The following SOCS4 variants were observed in gnomAD, a reference collection of about 807,000 sequenced individuals.
SOCS4 encodes the protein suppressor of cytokine signaling 4.
SOCS4 carries 20 observed loss-of-function variants against 34.1 expected under a neutral mutation model. That is an observed-to-expected ratio of 0.59 (90% CI 0.41 to 0.85). The LOEUF is 0.85. Ranked by LOEUF, SOCS4 falls within the 40% of genes least tolerant of loss-of-function variation. SOCS4 has a pLI of 0.00. For synonymous variants in SOCS4, 180 were observed against 186.4 expected (o/e 0.97, Z 0.28); for missense variants, 479 against 532.4 (o/e 0.90, Z 0.99).
In SOCS4 at chr14:55,048,140, C is replaced by G. The variant is rs375624049; in HGVS notation, c.*3776C>G. On this transcript the variant is annotated 3_prime_UTR_variant, in exon 3 of 3. Coordinates refer to ENST00000555846, the MANE Select transcript of SOCS4 (RefSeq NM_199421.2). ...TTCACTACATTGGCCAGGCTGGTCTCGAACTCCTGACCTCAGGTGACCACC... is the reference window on the plus strand; with the variant it reads ...TTCACTACATTGGCCAGGCTGGTCTGGAACTCCTGACCTCAGGTGACCACC... 6.0e-6 allele frequency: 1 copy of G among 166,082 alleles called. No homozygotes were observed. The highest frequency in any genetic ancestry group is 1.5e-5 in the Non-Finnish European group (1 of 68,142). 10.3% of individuals were successfully genotyped at this position (166,082 alleles called of 1,614,324 possible).
At chr14:55,029,426 G>C (rs1241749503) in intron 1 of SOCS4, among the ~76,000 whole-genome samples, 1 of 152,102 alleles carries the variant, frequency 6.6e-6, no homozygotes, top group Non-Finnish European at 1.5e-5. Flanking sequence ...TTGCAGTGAT[G>C]GTTAGTTAGC....
At chr14:55,034,388 A>G (rs990453327) in intron 2 of SOCS4, among the ~76,000 whole-genome samples, 49 of 152,328 alleles carry the variant, frequency 3.2e-4, no homozygotes, top group African/African-American at 1.2e-3. Context: ...ATCTGATGAC[A>G]TTCTGGATCA....
In SOCS4 at chr14:55,031,399, A is replaced by G. The variant is rs1457848988; in HGVS notation, c.-219-464A>G. On this transcript the variant is annotated intron_variant, in intron 1 of 2. Coordinates refer to ENST00000555846, the MANE Select transcript of SOCS4 (RefSeq NM_199421.2). ...CAAAAGGATTTATGGCAAAGTAAAGACAGGAAGCTATGGTTTATGCAGATT... is the reference window on the plus strand; with the variant it reads ...CAAAAGGATTTATGGCAAAGTAAAGGCAGGAAGCTATGGTTTATGCAGATT... 2.0e-5 allele frequency among the ~76,000 whole-genome samples: 3 copies of G among 152,228 alleles called. No individual in the cohort carries two copies. The East Asian group carries it at 5.8e-4, about 29-fold the overall frequency.
At position 55,047,950 on chromosome 14, in the gene SOCS4, C is replaced by T. The variant is rs1036530277; in HGVS notation, c.*3586C>T. 6.0e-6 allele frequency: 1 copy of T among 166,948 alleles called. No individual in the cohort carries two copies. The highest frequency in any genetic ancestry group is 1.5e-5 in the Non-Finnish European group (1 of 68,106). The allele number at this position is 166,948 out of a possible 1,614,324, so 10.3% of individuals were successfully genotyped here. A position where few individuals can be genotyped will look rare whatever the true frequency, so the allele number is the denominator to read the frequency against. ...TCTCTTTTTTTTTGAGACAGAGTCT[C>T]GCTGTTGTCAGCCCAGGCTGGAGTG... On this transcript the variant is annotated 3_prime_UTR_variant, in exon 3 of 3. Coordinates refer to ENST00000555846, the MANE Select transcript of SOCS4 (RefSeq NM_199421.2).
Position 55,044,916 on chromosome 14 carries a change from A to G in SOCS4, c.*552A>G, listed in dbSNP as rs1450167892. 6.0e-6 allele frequency: 1 copy of G among 167,040 alleles called. No individual in the cohort carries two copies. Among genetic ancestry groups the G allele is most frequent in the African/African-American group, 2.4e-5 (1 of 41,440 alleles). The allele number at this position is 167,040 out of a possible 1,614,324, so 10.3% of individuals were successfully genotyped here. On this transcript the variant is annotated 3_prime_UTR_variant, in exon 3 of 3. Coordinates refer to ENST00000555846, the MANE Select transcript of SOCS4 (RefSeq NM_199421.2). ...TGTTATTGACTTTTGTAACTTACTA[A>G]TAGGGATGTTAAAAGTAACAAAACC...
At chr14:55,030,577 ACTT>A (rs1418660961) in intron 1 of SOCS4, among the ~76,000 whole-genome samples, 5 of 152,138 alleles carry the variant, frequency 3.3e-5, no homozygotes, top group African/African-American at 9.7e-5. Flanking sequence ...TTAGAAATGT[ACTT>A]CTTCTAACAT....
intron 2 of SOCS4, among the ~76,000 whole-genome samples, chr14:55,042,448 T>C (rs1408134337): frequency 6.6e-6 from 1 of 152,220 alleles, no homozygotes; most frequent in Non-Finnish European, 1.5e-5. Context: ...CTTACAGCTT[T>C]ACAACTTAAA....
At position 55,047,261 on chromosome 14, in the gene SOCS4, C is replaced by T. The variant is rs991532198; in HGVS notation, c.*2897C>T. 1.8e-5 allele frequency: 3 copies of T among 167,056 alleles called. No homozygotes were observed. The highest frequency in any genetic ancestry group is 2.4e-5 in the African/African-American group (1 of 41,432). 10.3% of individuals were successfully genotyped at this position (167,056 alleles called of 1,614,324 possible). ...CTAGTCTGGACCAGACACTTAACTG[C>T]GCTTTGGGAATCATCCTGGGCTAAT... On this transcript the variant is annotated 3_prime_UTR_variant, in exon 3 of 3. Transcript: ENST00000555846.
Position 55,043,057 on chromosome 14 carries a change from G to A in SOCS4, c.16G>A (p.Glu6Lys). Residue 6 changes from glutamate (E) to lysine (K), a missense_variant, in exon 3 of 3, where the codon GAA (glutamate) becomes AAA (lysine). By Grantham distance (56) the Glu-to-Lys change is moderately conservative. Transcript: ENST00000555846. MAENN[E>K]NISKNVDVRP... ...ATTTGTTAACATGGCAGAAAATAAT[G>A]AAAATATTAGTAAAAATGTAGATGT... 1 of 1,602,666 alleles carries A rather than the reference G, an allele frequency of 6.2e-7. No homozygotes were observed.
Position 55,049,471 on chromosome 14 carries a change from TTCC to T in SOCS4, c.*5109_*5111del, listed in dbSNP as rs2042706365. Reference sequence around the variant, plus strand: ...ATTTTCATTTCTACTTAATTAAAACTTCCTATGTAAAATCCAAAGGCTTTGTGT... The same window carrying T: ...ATTTTCATTTCTACTTAATTAAAACTTATGTAAAATCCAAAGGCTTTGTGT... On this transcript the variant is annotated 3_prime_UTR_variant, in exon 3 of 3. Coordinates refer to ENST00000555846, the MANE Select transcript of SOCS4 (RefSeq NM_199421.2). 1 of 167,050 alleles carries T rather than the reference TTCC, an allele frequency of 6.0e-6. No individual in the cohort carries two copies. Among genetic ancestry groups the T allele is most frequent in the Non-Finnish European group, 1.5e-5 (1 of 68,120 alleles). The allele number at this position is 167,050 out of a possible 1,614,324, so 10.3% of individuals were successfully genotyped here.
intron 2 of SOCS4, among the ~76,000 whole-genome samples, chr14:55,034,687 T>A (rs2140244013): frequency 6.6e-6 from 1 of 151,744 alleles, no homozygotes; most frequent in Non-Finnish European, 1.5e-5. Context: ...ACTACAAAAA[T>A]TAGCCAGGCG....
Position 55,043,095 on chromosome 14 carries a change from T to G in SOCS4, c.54T>G (p.Thr18=), listed in dbSNP as rs753911378. Reference sequence around the variant, plus strand: ...AAAATGTAGATGTAAGGCCCAAAACTAGTCGGAGCAGAAGTGCCGACAGAA... The same window carrying G: ...AAAATGTAGATGTAAGGCCCAAAACGAGTCGGAGCAGAAGTGCCGACAGAA... ...ISKNVDVRPK[T]SRSRSADRKD... is the part of the protein sequence containing the mutation. The change falls in exon 3 of 3, where the codon ACT becomes ACG. Residue 18 remains threonine, a synonymous_variant. Coordinates refer to ENST00000555846, the MANE Select transcript of SOCS4 (RefSeq NM_199421.2). The G allele has an allele frequency of 2.4e-5, 39 of 1,613,728 alleles. No individual in the cohort carries two copies. The Middle Eastern group carries it at 4.9e-4, about 20-fold the overall frequency.
At position 55,047,097 on chromosome 14, in the gene SOCS4, C is replaced by T. The variant is rs1213506809; in HGVS notation, c.*2733C>T. ...ATTCCAGAGTTGAGAAAGCATTTAGCATGGTGGAAATGTGGAGAGCTTATT... is the reference window on the plus strand; with the variant it reads ...ATTCCAGAGTTGAGAAAGCATTTAGTATGGTGGAAATGTGGAGAGCTTATT... On this transcript the variant is annotated 3_prime_UTR_variant, in exon 3 of 3. Coordinates refer to ENST00000555846, the MANE Select transcript of SOCS4 (RefSeq NM_199421.2). 2 of 166,956 alleles carry T rather than the reference C, an allele frequency of 1.2e-5. No individual in the cohort carries two copies. The highest frequency in any genetic ancestry group is 2.9e-5 in the Non-Finnish European group (2 of 68,076). The allele number at this position is 166,956 out of a possible 1,614,324, so 10.3% of individuals were successfully genotyped here.
intron 1 of SOCS4, among the ~76,000 whole-genome samples, chr14:55,029,253 TTAAAA>T (rs1206974903): frequency 5.3e-5 from 8 of 152,206 alleles, no homozygotes; most frequent in Admixed American, 2.6e-4. Context: ...GTCTAGTTAG[TTAAAA>T]TAACATAGTT....
chr14:55,041,781 ATC>A, intron 2 of SOCS4, among the ~76,000 whole-genome samples: 1 of 72,874 alleles, frequency 1.4e-5, no homozygotes, highest in East Asian at 3.1e-4. Flanking sequence ...CCAACCCTTA[ATC>A]TTTTTTTTTT....
chr14:55,034,359 C>T (rs942823234), intron 2 of SOCS4, among the ~76,000 whole-genome samples: 3 of 151,930 alleles, frequency 2.0e-5, no homozygotes, highest in African/African-American at 7.3e-5. Context: ...AATTTTCTTC[C>T]AACTTTGAAG....
At chr14:55,042,520 G>A (rs2042629517) in intron 2 of SOCS4, among the ~76,000 whole-genome samples, 1 of 152,152 alleles carries the variant, frequency 6.6e-6, no homozygotes, top group African/African-American at 2.4e-5. Flanking sequence ...GAACTATGTA[G>A]GGTAGTAGTT....
intron 1 of SOCS4, among the ~76,000 whole-genome samples, chr14:55,030,996 A>G (rs2042523835): frequency 6.6e-6 from 1 of 152,178 alleles, no homozygotes. Context: ...TTGCTTTTAA[A>G]TAATGGAATT....
chr14:55,028,662 A>G (rs993992894), intron 1 of SOCS4, among the ~76,000 whole-genome samples: 4 of 152,226 alleles, frequency 2.6e-5, no homozygotes, highest in Non-Finnish European at 5.9e-5. Flanking sequence ...TGTAATACCC[A>G]TGAGACTATG....
Sources: allele counts gnomAD v4.1 joint callset (sites outside exome capture counted in the v4.1 genomes callset), GRCh38; gene constraint gnomAD v4.1.1; transcripts MANE v1.5; gene names NCBI Gene and HGNC (gene_info 2026-07-23, HGNC 2026-07-21).